AZIN2: variants seen among roughly 807,000 people sequenced by gnomAD.
AZIN2 encodes the protein antizyme inhibitor 2, also known as ODC antizyme inhibitor-2.
A neutral mutation model predicts 47.8 loss-of-function variants in AZIN2; 28 were observed. The observed-to-expected ratio is 0.59, with a 90% CI of 0.43 to 0.80. The LOEUF (loss-of-function observed/expected upper bound fraction) is 0.80, where lower values mean the gene tolerates loss of function less well. Ranked by LOEUF, AZIN2 falls within the 30% of genes least tolerant of loss-of-function variation. The pLI is 0.00. For synonymous variants in AZIN2, 221 were observed against 239.4 expected, an observed-to-expected ratio of 0.92 and a Z score of 0.71; for missense variants, 535 against 582.5, an observed-to-expected ratio of 0.92 and a Z score of 0.84.
At chr1:33,105,902 G>A (rs1024783589) in intron 10 of AZIN2, among the ~76,000 whole-genome samples, 1 of 152,198 alleles carries the variant, frequency 6.6e-6, no homozygotes, top group Non-Finnish European at 1.5e-5. Flanking sequence ...CATGAAGAGA[G>A]ATTCTCCTTT....
intron 5 of AZIN2, among the ~76,000 whole-genome samples, chr1:33,084,695 C>A (rs1641688169): frequency 6.6e-6 from 1 of 152,084 alleles, no homozygotes; most frequent in African/African-American, 2.4e-5. Context: ...CTCCCGGGTT[C>A]AAGTGATTCT....
chr1:33,127,325 C>G (rs1427568895), downstream of AZIN2, among the ~76,000 whole-genome samples: 1 of 152,268 alleles, frequency 6.6e-6, no homozygotes, highest in African/African-American at 2.4e-5. Flanking sequence ...CTTCCGTATT[C>G]GAGAGCCTTC....
chr1:33,127,890 G>A (rs547210881), downstream of AZIN2, among the ~76,000 whole-genome samples: 12 of 152,194 alleles, frequency 7.9e-5, no homozygotes, highest in African/African-American at 1.4e-4. Flanking sequence ...AATCGACACA[G>A]GCCTGTGCAG....
chr1:33,103,270 G>C (rs935197241), intron 10 of AZIN2, among the ~76,000 whole-genome samples: 6 of 152,056 alleles, frequency 3.9e-5, no homozygotes, highest in East Asian at 3.9e-4. Context: ...AACGAGCAAG[G>C]CTCCTGCCAT....
chr1:33,150,937 C>T, the AZIN2 span, among the ~76,000 whole-genome samples: 1 of 152,228 alleles, frequency 6.6e-6, no homozygotes, highest in African/African-American at 2.4e-5. Context: ...GGAACCTAGG[C>T]ATGATATCTA....
the AZIN2 span, among the ~76,000 whole-genome samples, chr1:33,156,141 G>C: frequency 6.6e-6 from 1 of 152,188 alleles, no homozygotes; most frequent in Non-Finnish European, 1.5e-5. Flanking sequence ...CTGCAGTCAA[G>C]ACTGTCACTC....
intron 10 of AZIN2, among the ~76,000 whole-genome samples, chr1:33,111,586 A>G (rs1231504984): frequency 6.6e-6 from 1 of 152,016 alleles, no homozygotes; most frequent in Non-Finnish European, 1.5e-5. Context: ...ATAAGAGATT[A>G]GTAGACAAAA....
chr1:33,105,221 A>G (rs1643941170), intron 10 of AZIN2, among the ~76,000 whole-genome samples: 1 of 152,190 alleles, frequency 6.6e-6, no homozygotes, highest in Non-Finnish European at 1.5e-5. Flanking sequence ...TTTGATTTCT[A>G]CTTTTTAAAA....
At chr1:33,082,903 GC>G (rs1402072657) in intron 4 of AZIN2, 2 of 153,268 alleles carry the variant, frequency 1.3e-5, no homozygotes, top group Non-Finnish European at 1.5e-5. Context: ...GACTCAATTT[GC>G]ATTTCCCAAT....
At chr1:33,082,066 G>A in intron 3 of AZIN2, 112 bp from the exon 4 acceptor site, 1 of 617,002 alleles carries the variant, frequency 1.6e-6, no homozygotes, top group South Asian at 1.8e-5. Flanking sequence ...GTGAACCCCG[G>A]GCTTGTGCTG....
chr1:33,147,384 A>C, the AZIN2 span: 1 of 1,614,132 alleles, frequency 6.2e-7, no homozygotes, highest in Non-Finnish European at 8.5e-7. The surrounding 1 kb of genome is among the most constrained non-coding windows in gnomAD (Gnocchi z 8.1). Context: ...CCCGGACGTT[A>C]AGCCGCGTCC....
the AZIN2 span, among the ~76,000 whole-genome samples, chr1:33,149,991 C>T: frequency 1.3e-5 from 2 of 152,212 alleles, no homozygotes; most frequent in Admixed American, 1.3e-4. Flanking sequence ...TGGGCTGCAT[C>T]ACCTGGCTCT....
At chr1:33,143,777 T>G in the AZIN2 span, among the ~76,000 whole-genome samples, 2 of 152,158 alleles carry the variant, frequency 1.3e-5, no homozygotes, top group East Asian at 1.9e-4. Context: ...CTCCCAGGGG[T>G]GCTGTACTCC....
intron 10 of AZIN2, among the ~76,000 whole-genome samples, chr1:33,107,326 C>A (rs573789489): frequency 1.4e-5 from 2 of 147,946 alleles, no homozygotes; most frequent in Admixed American, 1.3e-4. Flanking sequence ...ATGCCTGTAA[C>A]CCCAGCACTT....
the AZIN2 span, among the ~76,000 whole-genome samples, chr1:33,149,055 C>A: frequency 6.6e-6 from 1 of 152,216 alleles, no homozygotes; most frequent in East Asian, 1.9e-4. Context: ...CAACCACCCC[C>A]AGAGGCTCAA....
At chr1:33,095,701 T>C (rs1643080117) in intron 8 of AZIN2, among the ~76,000 whole-genome samples, 1 of 152,204 alleles carries the variant, frequency 6.6e-6, no homozygotes, top group Admixed American at 6.5e-5. Flanking sequence ...TGCATATAAC[T>C]TTTGATTCCC....
At chr1:33,159,339 A>G in the AZIN2 span, among the ~76,000 whole-genome samples, 3 of 152,150 alleles carry the variant, frequency 2.0e-5, no homozygotes, top group African/African-American at 4.8e-5. The surrounding 1 kb of genome is among the most constrained non-coding windows in gnomAD (Gnocchi z 4.2). Flanking sequence ...TCTATAATGT[A>G]TACAGAATAT....
intron 11 of AZIN2, chr1:33,119,536 G>T (rs576984196): frequency 6.0e-6 from 1 of 168,066 alleles, no homozygotes; most frequent in South Asian, 1.3e-4. Flanking sequence ...ATCAACATGG[G>T]TATGTAGGAG....
intron 10 of AZIN2, chr1:33,101,706 A>G (rs1003429855): frequency 4.3e-5 from 25 of 581,232 alleles, no homozygotes; most frequent in African/African-American, 4.1e-4. Flanking sequence ...CTTTTTCAGT[A>G]TAGGTTTATC....
Sources: allele counts gnomAD v4.1 joint callset (sites outside exome capture counted in the v4.1 genomes callset), GRCh38; gene constraint gnomAD v4.1.1; non-coding constraint Gnocchi (gnomAD v3.1); transcripts MANE v1.5; gene names NCBI Gene and HGNC (gene_info 2026-07-23, HGNC 2026-07-21).